The following PDZRN4 variants were observed in gnomAD, a reference collection of about 807,000 sequenced individuals.
PDZRN4 encodes PDZ domain containing ring finger 4, also known as PDZ domain-containing RING finger protein 4.
PDZRN4 carries 70 observed loss-of-function variants against 99.0 expected under a neutral mutation model. The ratio of observed to expected loss-of-function variants is 0.71; its 90% confidence interval spans 0.58 to 0.86. PDZRN4 has a LOEUF of 0.86. Ranked by LOEUF, PDZRN4 falls within the 40% of genes least tolerant of loss-of-function variation. The probability of loss-of-function intolerance (pLI) is 0.00; values close to 1 mark genes in which losing one functional copy is unlikely to be tolerated. For missense variants in PDZRN4, 1,474 were observed against 1,331.2 expected (o/e 1.11, Z -1.67); for synonymous variants, 551 against 501.6 (o/e 1.10, Z -1.32).
At chr12:41,222,371 G>T (rs1950961095) in intron 3 of PDZRN4, among the ~76,000 whole-genome samples, 1 of 152,122 alleles carries the variant, frequency 6.6e-6, no homozygotes, top group African/African-American at 2.4e-5. Context: ...CCCTTAGGCA[G>T]CTGTGATGTA....
chr12:41,401,771 T>C (rs911735415), intron 3 of PDZRN4, among the ~76,000 whole-genome samples: 2 of 140,610 alleles, frequency 1.4e-5, no homozygotes, highest in Non-Finnish European at 3.1e-5. Context: ...CCAAATTCCG[T>C]AGAATGTCAC....
chr12:41,437,728 TC>T (rs1488621532), intron 3 of PDZRN4: 2 of 1,449,576 alleles, frequency 1.4e-6, no homozygotes, highest in Non-Finnish European at 1.8e-6. Context: ...TGTGTGTGTA[TC>T]CGTGAGTGCA....
At chr12:41,359,300 A>G (rs752959477) in intron 3 of PDZRN4, among the ~76,000 whole-genome samples, 6 of 152,036 alleles carry the variant, frequency 3.9e-5, no homozygotes, top group Non-Finnish European at 8.8e-5. Context: ...TAGAAAAGGG[A>G]CACTTCTGTG....
chr12:41,495,116 T>A (rs533009346), intron 3 of PDZRN4, among the ~76,000 whole-genome samples: 212 of 152,112 alleles, frequency 1.4e-3, no homozygotes, highest in African/African-American at 4.6e-3. Flanking sequence ...TTAGAAAGTA[T>A]AAGTGTGTGT....
chr12:41,443,430 G>A (rs1462930408), intron 3 of PDZRN4, among the ~76,000 whole-genome samples: 1 of 152,100 alleles, frequency 6.6e-6, no homozygotes, highest in Non-Finnish European at 1.5e-5. Context: ...AAAGTAAGAG[G>A]CAGACTCCCT....
At chr12:41,230,469 T>A (rs1012268428) in intron 3 of PDZRN4, among the ~76,000 whole-genome samples, 5 of 152,048 alleles carry the variant, frequency 3.3e-5, no homozygotes, top group African/African-American at 1.2e-4. Flanking sequence ...CAATCAAAGG[T>A]CATATTTGTG....
chr12:41,545,568 C>A (rs1003083959), intron 5 of PDZRN4, among the ~76,000 whole-genome samples: 21 of 148,652 alleles, frequency 1.4e-4, no homozygotes, highest in African/African-American at 5.2e-4. Context: ...TGAGAGTGAT[C>A]TAATGAGGAT....
chr12:41,351,455 G>C (rs529691503), intron 3 of PDZRN4, among the ~76,000 whole-genome samples: 3 of 152,156 alleles, frequency 2.0e-5, no homozygotes, highest in South Asian at 2.1e-4. Context: ...ACAAAGAAAA[G>C]AGGTTTAATT....
chr12:41,320,849 T>C (rs969384354), intron 3 of PDZRN4, among the ~76,000 whole-genome samples: 1 of 152,136 alleles, frequency 6.6e-6, no homozygotes, highest in Admixed American at 6.5e-5. Flanking sequence ...CTATAAAAAT[T>C]TCAAGAAGAA....
chr12:41,280,677 G>C (rs1416436313), intron 3 of PDZRN4, among the ~76,000 whole-genome samples: 2 of 152,180 alleles, frequency 1.3e-5, no homozygotes, highest in Non-Finnish European at 2.9e-5. Flanking sequence ...CTCCTCTCTG[G>C]GCAGGGCATC....
intron 3 of PDZRN4, among the ~76,000 whole-genome samples, chr12:41,496,527 G>T (rs185569864): frequency 6.6e-6 from 1 of 152,050 alleles, no homozygotes; most frequent in Non-Finnish European, 1.5e-5. Context: ...TGATTCCCAC[G>T]TCGATGCTCT....
chr12:41,540,403 G>A (rs1938828521), intron 5 of PDZRN4, among the ~76,000 whole-genome samples: 1 of 152,044 alleles, frequency 6.6e-6, no homozygotes, highest in Non-Finnish European at 1.5e-5. Flanking sequence ...TCTGAGCATT[G>A]GGTATAAAAA....
rs553707796 is a variant in PDZRN4, at chr12:41,411,218, C to T, written c.844-95238C>T. Among the ~76,000 whole-genome samples, 151 of 151,950 alleles carry T rather than the reference C, an allele frequency of 9.9e-4. 1 individual carries two copies. The highest frequency in any genetic ancestry group is 1.8e-3 in the Non-Finnish European group (123 of 67,976). Reference sequence around the variant, plus strand: ...GCCCAGCCTAGCATAAGTTTTACAACCTAATGCCTAGAAGGTTAGAACAAA... The same window carrying T: ...GCCCAGCCTAGCATAAGTTTTACAATCTAATGCCTAGAAGGTTAGAACAAA... On this transcript the variant is annotated intron_variant, in intron 3 of 9. Transcript: ENST00000402685.
chr12:41,334,947 T>C (rs1195885782), intron 3 of PDZRN4, among the ~76,000 whole-genome samples: 1 of 152,146 alleles, frequency 6.6e-6, no homozygotes, highest in Admixed American at 6.6e-5. Context: ...AGTCTTTTCT[T>C]TGAAAAGCAG....
At chr12:41,206,202 C>T (rs912853878) in intron 3 of PDZRN4, among the ~76,000 whole-genome samples, 8 of 152,066 alleles carry the variant, frequency 5.3e-5, no homozygotes, top group African/African-American at 1.2e-4. Flanking sequence ...AACACATTTA[C>T]GGGTACATTT....
At chr12:41,285,460 A>T (rs1396683723) in intron 3 of PDZRN4, among the ~76,000 whole-genome samples, 2 of 152,190 alleles carry the variant, frequency 1.3e-5, no homozygotes. Flanking sequence ...TTCCTCAAGG[A>T]TCTAGAGCCA....
At chr12:41,496,583 C>T (rs760350590) in intron 3 of PDZRN4, among the ~76,000 whole-genome samples, 3 of 152,032 alleles carry the variant, frequency 2.0e-5, no homozygotes, top group Admixed American at 6.6e-5. Context: ...GGTTTAAGAG[C>T]AGAGCAGCCC....
At chr12:41,529,010 T>C (rs1261160507) in intron 5 of PDZRN4, among the ~76,000 whole-genome samples, 1 of 152,158 alleles carries the variant, frequency 6.6e-6, no homozygotes, top group Admixed American at 6.5e-5. Flanking sequence ...AGTACTCAAA[T>C]TGGCTTTTCC....
chr12:41,560,821 A>G (rs1013876793), intron 7 of PDZRN4, among the ~76,000 whole-genome samples: 6 of 152,186 alleles, frequency 3.9e-5, no homozygotes, highest in Non-Finnish European at 7.3e-5. Context: ...GCTGAAACCC[A>G]TGGCTACATT....
Sources: gnomAD v4.1 joint callset for allele counts (sites outside exome capture counted in the v4.1 genomes callset) on GRCh38, gnomAD v4.1.1 for gene constraint, MANE v1.5 for transcripts, NCBI Gene and HGNC (gene_info 2026-07-23, HGNC 2026-07-21) for gene names.